The following TBXAS1 variants were observed in gnomAD, a reference collection of about 807,000 sequenced individuals.
The protein encoded by TBXAS1 is thromboxane A synthase 1.
Under a neutral mutation model 60.7 loss-of-function variants are expected in TBXAS1, and 48 were observed. The ratio of observed to expected loss-of-function variants is 0.79; its 90% CI spans 0.63 to 1.01. TBXAS1 has a LOEUF of 1.01. Ranked by LOEUF, TBXAS1 falls within the 50% of genes least tolerant of loss-of-function variation. TBXAS1 has a pLI of 0.00. For synonymous variants in TBXAS1, 287 were observed against 269.7 expected (o/e 1.06, Z -0.63); for missense variants, 685 against 686.3 (o/e 1.00, Z 0.02).
At chr7:139,865,785 GAGGAAGGAAGGAAGGAAAGAAGGA>G (rs1801351406) in intron 1 of TBXAS1, among the ~76,000 whole-genome samples, 1 of 114,284 alleles carries the variant, frequency 8.8e-6, no homozygotes, top group Admixed American at 8.7e-5. Flanking sequence ...AGAAGGAAGG[GAGGAAGGAAGGAAGGAAAGAAGGA>G]AGGAAGGGAG....
rs185126889 is a variant in TBXAS1, at chr7:139,916,486, C to T, written c.333+5165C>T. Among the ~76,000 whole-genome samples the T allele has an allele frequency of 7.2e-5, 11 of 152,316 alleles. No individual in the cohort carries two copies. Among genetic ancestry groups the T allele is most frequent in the South Asian group, 2.1e-4 (1 of 4,826 alleles). ...CCACACCACTGACACACAAGAGTCA[C>T]GTCCAAAGCCATGTGATGGACGTGG... is the stretch of plus-strand genomic sequence containing the variant. On this transcript the variant is annotated intron_variant, in intron 4 of 12. Transcript: ENST00000448866. This position sits in a 1 kb window ranked among gnomAD's most constrained non-coding sequence, Gnocchi z 4.2.
At chr7:139,861,035 G>A (rs577138823) in intron 1 of TBXAS1, among the ~76,000 whole-genome samples, 1 of 152,050 alleles carries the variant, frequency 6.6e-6, no homozygotes, top group African/African-American at 2.4e-5. Flanking sequence ...ATAGCTGGGC[G>A]TGGTGGCACA....
intron 3 of TBXAS1, among the ~76,000 whole-genome samples, chr7:139,899,201 G>A (rs914338458): frequency 6.6e-6 from 1 of 152,092 alleles, no homozygotes; most frequent in South Asian, 2.1e-4. Context: ...TAGAAAGACC[G>A]ACTATAATTT....
chr7:139,947,063 C>G (rs1370430821), intron 5 of TBXAS1, among the ~76,000 whole-genome samples: 1 of 152,178 alleles, frequency 6.6e-6, no homozygotes, highest in African/African-American at 2.4e-5. Context: ...GCCCACTCAT[C>G]AGGCCCTCCC....
intron 9 of TBXAS1, among the ~76,000 whole-genome samples, chr7:139,977,088 A>C (rs1811618042): frequency 6.6e-6 from 1 of 152,232 alleles, no homozygotes; most frequent in African/African-American, 2.4e-5. Context: ...GCCTGTTTGA[A>C]ATCATCTCAG....
rs561216317 is a variant in TBXAS1 at position 139,950,002 on chromosome 7, C to T, written c.451-3366C>T. ...CACACTTACTACATTGCAGATAGAA[C>T]GAAGAAAGAATAGCCCAGTGTTGCA... On this transcript the variant is annotated intron_variant, in intron 5 of 12. Coordinates refer to ENST00000448866, the MANE Select transcript of TBXAS1 (RefSeq NM_001061.7). 6.7e-5 allele frequency among the ~76,000 whole-genome samples: 10 copies of T among 150,244 alleles called. No individual in the cohort carries two copies. The East Asian group carries it at 9.8e-4, about 15-fold the overall frequency.
intron 4 of TBXAS1, among the ~76,000 whole-genome samples, chr7:139,809,155 A>G (rs1010222497): frequency 6.6e-6 from 1 of 151,004 alleles, no homozygotes; most frequent in Non-Finnish European, 1.5e-5. Context: ...GGAGATAGGT[A>G]GATAGATAGA....
intron 9 of TBXAS1, among the ~76,000 whole-genome samples, chr7:139,987,632 C>A (rs1046886583): frequency 6.6e-6 from 1 of 152,184 alleles, no homozygotes; most frequent in East Asian, 1.9e-4. Flanking sequence ...GTTGTCAGGA[C>A]CCCCGACCCT....
chr7:139,952,570 A>C, intron 5 of TBXAS1: 3 of 1,537,252 alleles, frequency 2.0e-6, no homozygotes, highest in Non-Finnish European at 2.6e-6. Context: ...TTAATCATGC[A>C]AGAGAGAATA....
intron 9 of TBXAS1, among the ~76,000 whole-genome samples, chr7:140,002,511 A>C (rs949297220): frequency 6.6e-6 from 1 of 151,854 alleles, no homozygotes; most frequent in African/African-American, 2.4e-5. Context: ...TGTCCCTGCT[A>C]TTCCTGAAAG....
intron 4 of TBXAS1, among the ~76,000 whole-genome samples, chr7:139,805,695 TTTCTTTCTTTC>T (rs1472614766): frequency 4.8e-4 from 17 of 35,618 alleles, no homozygotes; most frequent in Admixed American, 1.1e-3. Flanking sequence ...TCTTTCTTTC[TTTCTTTCTTTC>T]TTTCTTTCTC....
intron 7 of TBXAS1, among the ~76,000 whole-genome samples, chr7:139,956,810 C>T (rs8192835): frequency 0.73 from 111,207 of 152,220 alleles, 40,983 homozygotes; most frequent in Admixed American, 0.8. Context: ...CTCAGTTGTG[C>T]CATCCCTTCT....
At chr7:139,786,232 A>G (rs1411687973) in intron 3 of TBXAS1, among the ~76,000 whole-genome samples, 3 of 151,786 alleles carry the variant, frequency 2.0e-5, no homozygotes, top group African/African-American at 7.3e-5. Flanking sequence ...TGAGATAATA[A>G]TGTCTGCCTC....
At chr7:139,785,924 T>C (rs984912594) in intron 3 of TBXAS1, among the ~76,000 whole-genome samples, 13 of 151,716 alleles carry the variant, frequency 8.6e-5, no homozygotes, top group African/African-American at 2.9e-4. Context: ...TCACATGCTA[T>C]TTCCTTCATG....
At chr7:139,873,189 G>A (rs756560621) in intron 2 of TBXAS1, among the ~76,000 whole-genome samples, 1 of 152,192 alleles carries the variant, frequency 6.6e-6, no homozygotes, top group Non-Finnish European at 1.5e-5. Flanking sequence ...GTACCAACGT[G>A]AGAATGACAG....
chr7:139,857,678 T>G (rs891731905), intron 1 of TBXAS1, among the ~76,000 whole-genome samples: 5 of 152,096 alleles, frequency 3.3e-5, no homozygotes, highest in African/African-American at 1.2e-4. Context: ...CAAGACACTT[T>G]CCCAGGGTCA....
At chr7:139,981,457 G>A (rs1811976552) in intron 9 of TBXAS1, among the ~76,000 whole-genome samples, 1 of 152,206 alleles carries the variant, frequency 6.6e-6, no homozygotes, top group African/African-American at 2.4e-5. Flanking sequence ...GTGGACATTA[G>A]CTGTGCTGTG....
At chr7:139,867,530 G>A (rs1801508076) in intron 1 of TBXAS1, among the ~76,000 whole-genome samples, 1 of 152,196 alleles carries the variant, frequency 6.6e-6, no homozygotes, top group Non-Finnish European at 1.5e-5. Flanking sequence ...TCAAGAGAAG[G>A]TTTTAGGCTG....
chr7:139,800,513 C>T (rs1259482936), intron 4 of TBXAS1, among the ~76,000 whole-genome samples: 5 of 152,176 alleles, frequency 3.3e-5, no homozygotes, highest in Admixed American at 3.3e-4. Flanking sequence ...CTTCCCGCCA[C>T]TATTCTTATT....
Sources: gnomAD v4.1 joint callset for allele counts (sites outside exome capture counted in the v4.1 genomes callset) on GRCh38, gnomAD v4.1.1 for gene constraint, Gnocchi (gnomAD v3.1) non-coding constraint, MANE v1.5 for transcripts, NCBI Gene and HGNC (gene_info 2026-07-23, HGNC 2026-07-21) for gene names.